TMEM234: variants seen among roughly 807,000 people sequenced by gnomAD.
TMEM234 encodes chromosome 1 open reading frame 91.
TMEM234 carries 21 observed loss-of-function variants against 17.8 expected under a neutral mutation model. The ratio of observed to expected loss-of-function variants is 1.18; its 90% confidence interval spans 0.84 to 1.70. The LOEUF is 1.70. TMEM234 is among the 40% of genes most tolerant of loss of function. TMEM234 has a pLI of 0.00. For missense variants in TMEM234, 137 were observed against 166.9 expected (o/e 0.82, Z 0.99); for synonymous variants, 83 against 73.5 (o/e 1.13, Z -0.66).
At chr1:32,215,029 T>C (rs1413855206), downstream of TMEM234, 36 of 1,480,730 alleles carry the variant, frequency 2.4e-5, no homozygotes, top group Non-Finnish European at 3.2e-5. Flanking sequence ...GGGAGCAGAA[T>C]GCTCAGACAC....
intron 3 of TMEM234, among the ~76,000 whole-genome samples, chr1:32,219,902 T>C (rs1557545311): frequency 1.3e-5 from 2 of 152,128 alleles, no homozygotes; most frequent in African/African-American, 2.4e-5. Flanking sequence ...TTTTGTTGGG[T>C]TGTCGTAAGA....
intron 3 of TMEM234, among the ~76,000 whole-genome samples, chr1:32,220,135 G>A (rs1321181510): frequency 6.6e-6 from 1 of 152,188 alleles, no homozygotes; most frequent in Non-Finnish European, 1.5e-5. Context: ...GAATGCATGA[G>A]GCCAGAGGTT....
At chr1:32,220,132 T>C (rs1018436123) in intron 3 of TMEM234, among the ~76,000 whole-genome samples, 3 of 152,256 alleles carry the variant, frequency 2.0e-5, no homozygotes. Flanking sequence ...AGTGAATGCA[T>C]GAGGCCAGAG....
At chr1:32,222,191 G>A (rs1638988068) in intron 1 of TMEM234, 116 bp downstream of exon 1, 7 of 1,502,446 alleles carry the variant, frequency 4.7e-6, no homozygotes, top group Non-Finnish European at 6.2e-6. Flanking sequence ...GATGAATCCA[G>A]GAGTCCGGCC....
At chr1:32,218,676 G>A (rs1302075693) in intron 3 of TMEM234, among the ~76,000 whole-genome samples, 4 of 152,094 alleles carry the variant, frequency 2.6e-5, no homozygotes, top group African/African-American at 7.2e-5. Flanking sequence ...GGTGGCTCAC[G>A]CCTGTAATCC....
At chr1:32,217,463 C>T (rs1249731295) in intron 3 of TMEM234, 112 bp from the exon 4 acceptor site, 1 of 1,553,334 alleles carries the variant, frequency 6.4e-7, no homozygotes, top group Admixed American at 2.0e-5. Context: ...AAAACCCCAT[C>T]TTCCAGATGA....
At chr1:32,214,634 T>C, downstream of TMEM234, 1 of 969,762 alleles carries the variant, frequency 1.0e-6, no homozygotes, top group Non-Finnish European at 1.5e-6. Context: ...GTCAGGCTGG[T>C]GGGAAGAGGC....
At position 32,216,433 on chromosome 1, in the gene TMEM234, TC is replaced by T; in HGVS notation, c.*419del. Reference sequence around the variant, plus strand: ...ATTCAGCCAAAGCGCTCTGACTGAGTCCCAGAGGCCTCCCGTTTGCATTTCT... The same window carrying T: ...ATTCAGCCAAAGCGCTCTGACTGAGTCCAGAGGCCTCCCGTTTGCATTTCT... On this transcript the variant is annotated 3_prime_UTR_variant, in exon 5 of 5. Transcript: ENST00000309777. 6.4e-7 allele frequency: 1 copy of T among 1,551,644 alleles called. No homozygotes were observed. Among genetic ancestry groups the T allele is most frequent in the Non-Finnish European group, 8.7e-7 (1 of 1,146,972 alleles).
chr1:32,221,837 C>T, intron 2 of TMEM234, 30 bp downstream of exon 2: 1 of 1,611,682 alleles, frequency 6.2e-7, no homozygotes. Context: ...GGCAACTCCA[C>T]CGAGAGAGGG....
intron 4 of TMEM234, 49 bp downstream of exon 4, chr1:32,217,210 T>A: frequency 6.2e-7 from 1 of 1,614,136 alleles, no homozygotes; most frequent in Non-Finnish European, 8.5e-7. Context: ...AACACAGGTA[T>A]GTCGAGATCC....
Position 32,216,553 on chromosome 1 carries a change from TGG to T in TMEM234, c.*298_*299del, listed in dbSNP as rs1638402479. 6.5e-7 allele frequency: 1 copy of T among 1,548,578 alleles called. No homozygotes were observed. The highest frequency in any genetic ancestry group is 8.7e-7 in the Non-Finnish European group (1 of 1,144,484). On this transcript the variant is annotated 3_prime_UTR_variant, in exon 5 of 5. Transcript: ENST00000309777. ...GATAGTCCAGATCAGGCCACAGTAA[TGG>T]TGGCTGGGCTGGGAGCCTGAGATGT...
intron 3 of TMEM234, among the ~76,000 whole-genome samples, chr1:32,219,592 G>C (rs1638708413): frequency 6.6e-6 from 1 of 151,950 alleles, no homozygotes; most frequent in African/African-American, 2.4e-5. Flanking sequence ...GTTGCCTAGG[G>C]TGATCTCTAG....
At chr1:32,222,286 A>G in intron 1 of TMEM234, 21 bp downstream of exon 1, 1 of 1,543,136 alleles carries the variant, frequency 6.5e-7, no homozygotes, top group East Asian at 2.3e-5. Flanking sequence ...AATCCATGGA[A>G]GGGCGGGGCC....
Position 32,217,138 on chromosome 1 carries a change from G to A in TMEM234, c.328+121C>T, listed in dbSNP as rs775345479. The A allele has an allele frequency of 6.7e-5, 106 of 1,588,440 alleles. No homozygotes were observed. In the African/African-American group the frequency reaches 1.3e-3, roughly 20 times the overall value. On this transcript the variant is annotated intron_variant, in intron 4 of 4. Transcript: ENST00000309777. ...GAAGCAAAACAGCTGCAGAGGAAAG[G>A]GCAGGATGGGAAAAGGCCGTGTCCT...
chr1:32,216,420 C>A lies in TMEM234; in HGVS notation c.*433G>T. On this transcript the variant is annotated 3_prime_UTR_variant, in exon 5 of 5. Coordinates refer to ENST00000309777, the MANE Select transcript of TMEM234 (RefSeq NM_019118.5). ...GGTTCCACCCCTCATTCAGCCAAAG[C>A]GCTCTGACTGAGTCCCAGAGGCCTC... 6.4e-7 allele frequency: 1 copy of A among 1,551,656 alleles called. No individual in the cohort carries two copies. Among genetic ancestry groups the A allele is most frequent in the Non-Finnish European group, 8.7e-7 (1 of 1,146,984 alleles).
At chr1:32,222,154 C>G in intron 1 of TMEM234, 136 bp from the exon 2 acceptor site, 2 of 1,504,024 alleles carry the variant, frequency 1.3e-6, no homozygotes, top group Non-Finnish European at 1.8e-6. Context: ...CGACTGGCGG[C>G]TAAGGCAGGC....
At chr1:32,222,239 T>C in intron 1 of TMEM234, 68 bp downstream of exon 1, 1 of 1,525,282 alleles carries the variant, frequency 6.6e-7, no homozygotes, top group Non-Finnish European at 8.8e-7. Context: ...AGAGGGTGGA[T>C]GTGGAGCAGG....
Position 32,221,197 on chromosome 1 carries a change from A to G in TMEM234, c.169T>C (p.Tyr57His). 3 of 1,613,172 alleles carry G rather than the reference A, an allele frequency of 1.9e-6. 1 individual carries two copies. The South Asian group carries it at 3.3e-5, about 18-fold the overall frequency. ...TGGTTGAGGAGAAAGGGCATCAGGT[A>G]CTGGAAAGAGGAGAAACCTGCAGTC... ...EMKTLFLNTE[Y>H]LMPFLLNQCG... Residue 57 changes from tyrosine to histidine, a missense_variant and splice_region_variant, in exon 3 of 5, where the codon TAC (tyrosine) becomes CAC (histidine). Transcript: ENST00000309777.
chr1:32,222,083 T>C (rs1403531974), intron 1 of TMEM234, 65 bp from the exon 2 acceptor site: 14 of 1,523,932 alleles, frequency 9.2e-6, no homozygotes, highest in Non-Finnish European at 1.2e-5. Context: ...CGCCCTCTCC[T>C]GGCCTTCTAG....
Sources: allele counts gnomAD v4.1 joint callset (sites outside exome capture counted in the v4.1 genomes callset), GRCh38; gene constraint gnomAD v4.1.1; transcripts MANE v1.5; gene names NCBI Gene and HGNC (gene_info 2026-07-23, HGNC 2026-07-21).